The following ANKRD45 variants were observed in gnomAD, a reference collection of about 807,000 sequenced individuals.
The protein encoded by ANKRD45 is ankyrin repeat domain-containing protein 45.
ANKRD45 carries 21 observed loss-of-function variants against 28.1 expected under a neutral mutation model. The observed-to-expected ratio is 0.75, with a 90% CI of 0.53 to 1.08. The LOEUF (loss-of-function observed/expected upper bound fraction) is 1.08. Among genes scored for constraint, ANKRD45 ranks in the 50% least tolerant of loss-of-function variants. ANKRD45 has a pLI of 0.00. For synonymous variants in ANKRD45, 86 were observed against 103.9 expected (o/e 0.83, Z 1.05); for missense variants, 261 against 308.7 (o/e 0.85, Z 1.16).
intron 5 of ANKRD45, among the ~76,000 whole-genome samples, chr1:173,620,980 C>T (rs1164219571): frequency 6.6e-6 from 1 of 152,104 alleles, no homozygotes; most frequent in Admixed American, 6.6e-5. Flanking sequence ...AAGTTGATAT[C>T]ACCACTGATT....
At chr1:173,673,781 G>T (rs909421980), upstream of ANKRD45, among the ~76,000 whole-genome samples, 1 of 152,098 alleles carries the variant, frequency 6.6e-6, no homozygotes, top group African/African-American at 2.4e-5. Flanking sequence ...TTAAATATTA[G>T]AGAAAATCTG....
chr1:173,670,101 A>G (rs1291065050), upstream of ANKRD45, among the ~76,000 whole-genome samples: 1 of 152,240 alleles, frequency 6.6e-6, no homozygotes, highest in African/African-American at 2.4e-5. Context: ...CTTTTAAACG[A>G]AAGAATTTTC....
chr1:173,616,128 G>C (rs1055637640), intron 5 of ANKRD45, among the ~76,000 whole-genome samples: 2 of 151,690 alleles, frequency 1.3e-5, no homozygotes, highest in African/African-American at 4.8e-5. Context: ...GATTAAATTT[G>C]TACCCACAAA....
chr1:173,629,657 A>T (rs2102331229), intron 3 of ANKRD45, among the ~76,000 whole-genome samples: 1 of 152,270 alleles, frequency 6.6e-6, no homozygotes, highest in East Asian at 1.9e-4. Flanking sequence ...CTCCTATAAG[A>T]TCTAGAAAAT....
chr1:173,666,372 T>C (rs71643166), intron 1 of ANKRD45, among the ~76,000 whole-genome samples: 2 of 152,202 alleles, frequency 1.3e-5, no homozygotes, highest in African/African-American at 2.4e-5. Flanking sequence ...TATTCATATA[T>C]ACAGTTGTCC....
the ANKRD45 span, among the ~76,000 whole-genome samples, chr1:173,690,290 GA>G: frequency 3.9e-5 from 6 of 152,096 alleles, no homozygotes; most frequent in African/African-American, 1.4e-4. Flanking sequence ...AATGTGAGTA[GA>G]GGGGGAATTT....
chr1:173,651,263 T>G (rs1571754943), intron 2 of ANKRD45, among the ~76,000 whole-genome samples: 1 of 152,242 alleles, frequency 6.6e-6, no homozygotes, highest in East Asian at 1.9e-4. Flanking sequence ...TTGAATTGAC[T>G]TTAGCATAAG....
At chr1:173,711,858 T>A in the ANKRD45 span, among the ~76,000 whole-genome samples, 3 of 152,008 alleles carry the variant, frequency 2.0e-5, no homozygotes, top group African/African-American at 7.2e-5. Context: ...AGAAACAGAG[T>A]AGCAGAAGCA....
upstream of ANKRD45, among the ~76,000 whole-genome samples, chr1:173,670,070 TG>T (rs1298035957): frequency 6.6e-6 from 1 of 152,274 alleles, no homozygotes; most frequent in East Asian, 1.9e-4. Context: ...TTGTGCATAT[TG>T]GTTGTTGGCC....
chr1:173,665,322 C>T (rs980305952), intron 1 of ANKRD45, among the ~76,000 whole-genome samples: 1 of 152,122 alleles, frequency 6.6e-6, no homozygotes, highest in Non-Finnish European at 1.5e-5. Context: ...ACTATAGGCC[C>T]ATGCCACCAC....
the ANKRD45 span, among the ~76,000 whole-genome samples, chr1:173,693,113 A>G: frequency 4.6e-5 from 7 of 152,322 alleles, no homozygotes; most frequent in Admixed American, 3.3e-4. Flanking sequence ...AGCCTGGCCA[A>G]CAATGGTGAA....
At chr1:173,636,830 A>G in intron 3 of ANKRD45, 1 of 1,534,860 alleles carries the variant, frequency 6.5e-7, no homozygotes. Context: ...CTTTTAGCTG[A>G]AAAAGCAAGC....
chr1:173,620,927 T>C (rs555321204), intron 5 of ANKRD45, among the ~76,000 whole-genome samples: 2 of 151,848 alleles, frequency 1.3e-5, no homozygotes, highest in South Asian at 4.2e-4. Flanking sequence ...AATTAATAAA[T>C]AAGAAAAGCA....
At chr1:173,651,683 A>G (rs1047676258) in intron 2 of ANKRD45, among the ~76,000 whole-genome samples, 1 of 152,054 alleles carries the variant, frequency 6.6e-6, no homozygotes, top group African/African-American at 2.4e-5. Flanking sequence ...AATCACCTTG[A>G]GCAGTATGGC....
At chr1:173,665,690 T>C (rs1440228768) in intron 1 of ANKRD45, among the ~76,000 whole-genome samples, 1 of 152,150 alleles carries the variant, frequency 6.6e-6, no homozygotes, top group Non-Finnish European at 1.5e-5. Flanking sequence ...ATATGAGTTA[T>C]ATCTAAATTA....
chr1:173,677,475 C>T, the ANKRD45 span, among the ~76,000 whole-genome samples: 1 of 152,096 alleles, frequency 6.6e-6, no homozygotes, highest in Admixed American at 6.6e-5. Flanking sequence ...AGAAACTGTA[C>T]TTATTTTATG....
chr1:173,697,883 G>C, the ANKRD45 span, among the ~76,000 whole-genome samples: 1 of 151,856 alleles, frequency 6.6e-6, no homozygotes, highest in African/African-American at 2.4e-5. Context: ...ATTGGATAAA[G>C]AGTCAAGACC....
In ANKRD45 at chr1:173,610,140, T is replaced by C. The variant is rs748715981; in HGVS notation, c.*5A>G. On this transcript the variant is annotated 3_prime_UTR_variant, in exon 6 of 6. Transcript: ENST00000333279. ...AGAAAATGTGGCCTTTTACAGAACG[T>C]ATGTTCAGTTGGAGGTATCATCTTG... 7 of 1,613,624 alleles carry C rather than the reference T, an allele frequency of 4.3e-6. No homozygotes were observed. The highest frequency in any genetic ancestry group is 5.1e-6 in the Non-Finnish European group (6 of 1,179,694).
At chr1:173,671,091 G>C (rs1031365135), upstream of ANKRD45, among the ~76,000 whole-genome samples, 7 of 152,190 alleles carry the variant, frequency 4.6e-5, no homozygotes, top group African/African-American at 1.4e-4. Flanking sequence ...CCCCTTATAA[G>C]GTTACATCTT....
Sources: allele counts gnomAD v4.1 joint callset (sites outside exome capture counted in the v4.1 genomes callset), GRCh38; gene constraint gnomAD v4.1.1; transcripts MANE v1.5; gene names NCBI Gene and HGNC (gene_info 2026-07-23, HGNC 2026-07-21).